Variants in COMMD1 observed in about 807,000 individuals in gnomAD.
The protein encoded by COMMD1 is copper metabolism domain containing 1, also known as COMM domain-containing protein 1.
A neutral mutation model predicts 17.2 loss-of-function variants in COMMD1; 10 were observed. That is an observed-to-expected ratio of 0.58 (90% CI 0.36 to 0.99). The LOEUF (loss-of-function observed/expected upper bound fraction) is 0.99, where lower values mean the gene tolerates loss of function less well. Ranked by LOEUF, COMMD1 falls within the 50% of genes least tolerant of loss-of-function variation. The pLI, the probability that COMMD1 is intolerant of heterozygous loss-of-function variation, is 0.01. For missense variants in COMMD1, 270 were observed against 231.8 expected (o/e 1.17, Z -1.07); for synonymous variants, 97 against 91.6 (o/e 1.06, Z -0.34).
intron 2 of COMMD1, among the ~76,000 whole-genome samples, chr2:62,122,348 A>G (rs1672771654): frequency 6.6e-6 from 1 of 152,126 alleles, no homozygotes; most frequent in South Asian, 2.1e-4. Context: ...CGGGAGTCAG[A>G]TGTGAGTCAG....
chr2:61,929,799 C>T (rs1218522979), intron 1 of COMMD1, among the ~76,000 whole-genome samples: 1 of 152,074 alleles, frequency 6.6e-6, no homozygotes, highest in Non-Finnish European at 1.5e-5. Context: ...TGGTGCATGT[C>T]TGTAGTCCCA....
chr2:61,908,524 C>CAAA (rs1669828792), intron 1 of COMMD1, among the ~76,000 whole-genome samples: 2 of 151,688 alleles, frequency 1.3e-5, no homozygotes, highest in East Asian at 2.0e-4. Flanking sequence ...TGCACCCAGC[C>CAAA]TTTATTTAAC....
chr2:62,008,694 A>G (rs188996703), intron 2 of COMMD1, among the ~76,000 whole-genome samples: 1 of 152,364 alleles, frequency 6.6e-6, no homozygotes, highest in Non-Finnish European at 1.5e-5. Flanking sequence ...CTGATAAGAT[A>G]TTCAACTATC....
At chr2:61,915,585 G>C (rs1670026929) in intron 1 of COMMD1, 3 of 364,432 alleles carry the variant, frequency 8.2e-6, no homozygotes, top group Middle Eastern at 3.7e-4. Context: ...GACCTCTTGG[G>C]CTCCAATGAT....
intron 2 of COMMD1, among the ~76,000 whole-genome samples, chr2:62,120,792 C>A (rs924076797): frequency 1.8e-4 from 27 of 152,102 alleles, no homozygotes; most frequent in African/African-American, 6.5e-4. Context: ...GTGGCGCAAA[C>A]ACAGCTCACT....
intron 2 of COMMD1, among the ~76,000 whole-genome samples, chr2:62,073,540 C>A (rs183198233): frequency 1.3e-5 from 2 of 152,300 alleles, no homozygotes; most frequent in East Asian, 3.9e-4. Context: ...GATGTCCTGC[C>A]TTTTTGGGCT....
At chr2:61,973,413 A>G (rs1422498918) in intron 1 of COMMD1, among the ~76,000 whole-genome samples, 1 of 152,222 alleles carries the variant, frequency 6.6e-6, no homozygotes, top group Non-Finnish European at 1.5e-5. Context: ...GAGAAACTGT[A>G]TTCACTATCG....
intron 1 of COMMD1, among the ~76,000 whole-genome samples, chr2:61,892,743 T>C (rs1284944739): frequency 6.6e-6 from 1 of 151,678 alleles, no homozygotes; most frequent in Non-Finnish European, 1.5e-5. Flanking sequence ...ATGTATCTTA[T>C]CTCTCTTAGG....
chr2:61,918,841 A>G lies in COMMD1; in HGVS notation c.180+12983A>G, dbSNP rs114545428. On this transcript the variant is annotated intron_variant, in intron 1 of 2. Coordinates refer to ENST00000311832, the MANE Select transcript of COMMD1 (RefSeq NM_152516.4). ...AATCATGATTTTTTTGTCTTAATAA[A>G]ACACCCACATTTTTAGCTCTATCTT... is the stretch of plus-strand genomic sequence containing the variant. Among the ~76,000 whole-genome samples, 677 of 152,242 alleles carry G rather than the reference A, an allele frequency of 4.4e-3. 2 individuals are homozygous for G. Among genetic ancestry groups the G allele is most frequent in the African/African-American group, 0.015 (643 of 41,556 alleles).
chr2:62,072,131 C>G (rs1463085116), intron 2 of COMMD1, among the ~76,000 whole-genome samples: 2 of 151,906 alleles, frequency 1.3e-5, no homozygotes, highest in Non-Finnish European at 2.9e-5. Context: ...TGTATATATT[C>G]TTTTATGAGC....
chr2:61,968,945 C>CTT (rs57247770), intron 1 of COMMD1: 2,831 of 213,774 alleles, frequency 0.013, 84 homozygotes, highest in African/African-American at 0.062. Flanking sequence ...TTTATTTAGT[C>CTT]TTTTTTTTTT....
chr2:62,044,140 A>G (rs1016704717), intron 2 of COMMD1, among the ~76,000 whole-genome samples: 2 of 152,146 alleles, frequency 1.3e-5, no homozygotes, highest in Non-Finnish European at 2.9e-5. Context: ...TTTATGTTAA[A>G]TATGTCAGTA....
chr2:61,991,914 T>A (rs908964903), intron 1 of COMMD1, among the ~76,000 whole-genome samples: 4 of 152,186 alleles, frequency 2.6e-5, no homozygotes, highest in African/African-American at 7.2e-5. Context: ...GTAAATATTT[T>A]CTAATGCTCC....
intron 1 of COMMD1, among the ~76,000 whole-genome samples, chr2:61,921,071 G>A (rs1023232952): frequency 6.7e-6 from 1 of 149,490 alleles, no homozygotes; most frequent in Non-Finnish European, 1.5e-5. Flanking sequence ...TTCACCTCCC[G>A]GGTTCAAATG....
intron 2 of COMMD1, among the ~76,000 whole-genome samples, chr2:62,132,692 T>A (rs1029028646): frequency 6.6e-6 from 1 of 151,568 alleles, no homozygotes; most frequent in African/African-American, 2.4e-5. Flanking sequence ...TGAAAAAAAA[T>A]ACAAAAATTA....
chr2:62,065,727 A>G (rs894839463), intron 2 of COMMD1, among the ~76,000 whole-genome samples: 1 of 152,208 alleles, frequency 6.6e-6, no homozygotes, highest in African/African-American at 2.4e-5. Flanking sequence ...GATGTTTATT[A>G]TAATCGTTCA....
intron 2 of COMMD1, among the ~76,000 whole-genome samples, chr2:62,124,836 T>C (rs1216236487): frequency 6.6e-6 from 1 of 152,142 alleles, no homozygotes; most frequent in African/African-American, 2.4e-5. Flanking sequence ...ATTAAACCTG[T>C]GTGTGTCCCT....
At chr2:61,982,473 T>G (rs1671981655) in intron 1 of COMMD1, among the ~76,000 whole-genome samples, 1 of 152,172 alleles carries the variant, frequency 6.6e-6, no homozygotes, top group South Asian at 2.1e-4. Flanking sequence ...GGATGCCCTT[T>G]ATTTCTCTCT....
chr2:61,934,835 C>T (rs541019270), intron 1 of COMMD1, among the ~76,000 whole-genome samples: 2 of 152,138 alleles, frequency 1.3e-5, no homozygotes, highest in East Asian at 3.8e-4. Context: ...CCAGGCTGGT[C>T]TCATACCCCT....
Sources: gnomAD v4.1 joint callset for allele counts (sites outside exome capture counted in the v4.1 genomes callset) on GRCh38, gnomAD v4.1.1 for gene constraint, MANE v1.5 for transcripts, NCBI Gene and HGNC (gene_info 2026-07-23, HGNC 2026-07-21) for gene names.